PCDH15: variants seen among roughly 807,000 people sequenced by gnomAD.
PCDH15 encodes protocadherin-15.
PCDH15 carries 129 observed loss-of-function variants against 178.5 expected under a neutral mutation model. The ratio of observed to expected loss-of-function variants is 0.72; its 90% CI spans 0.63 to 0.84. PCDH15 has a LOEUF of 0.84. Among genes scored for constraint, PCDH15 ranks in the 40% least tolerant of loss-of-function variants. The pLI is 0.00. For synonymous variants in PCDH15, 800 were observed against 732.0 expected (o/e 1.09, Z -1.50); for missense variants, 2,230 against 2,099.9 (o/e 1.06, Z -1.21).
At chr10:54,284,829 T>A (rs1458236789) in intron 8 of PCDH15, among the ~76,000 whole-genome samples, 1 of 152,108 alleles carries the variant, frequency 6.6e-6, no homozygotes, top group Non-Finnish European at 1.5e-5. Context: ...GAGTAAAAAA[T>A]TAATCAGGAG....
chr10:55,543,596 A>G (rs918591147), intron 2 of PCDH15, among the ~76,000 whole-genome samples: 7 of 151,308 alleles, frequency 4.6e-5, no homozygotes, highest in African/African-American at 1.7e-4. Context: ...CAAATCACAT[A>G]CCTTATAAGG....
At position 55,085,242 on chromosome 10, in the gene PCDH15, G is replaced by A. The variant is rs535702758; in HGVS notation, c.-80+81334C>T. ...TGGGTACTGAAGGTCATTGTGTTAA[G>A]GAAATAAGCCAGGCACAGAAAGACA... On this transcript the variant is annotated intron_variant, in intron 2 of 5. Transcript: ENST00000458638. Among the ~76,000 whole-genome samples the A allele has an allele frequency of 1.8e-3, 266 of 151,944 alleles. 2 individuals carry two copies. The highest frequency in any genetic ancestry group is 3.3e-3 in the Non-Finnish European group (222 of 67,830).
rs117437828 is a variant in PCDH15, at chr10:54,948,878, C to T, written c.-79-51378G>A. Among the ~76,000 whole-genome samples, 1,180 of 151,974 alleles carry T rather than the reference C, an allele frequency of 7.8e-3. 7 individuals carry two copies. Among genetic ancestry groups the T allele is most frequent in the Middle Eastern group, 0.014 (4 of 294 alleles). ...TCTGGGATAATTTTTGGCTAAATAT[C>T]CAGGGACCCCTTGGCCCAATCAAGT... is the stretch of plus-strand genomic sequence containing the variant. On this transcript the variant is annotated intron_variant, in intron 2 of 5. Transcript: ENST00000458638.
At chr10:53,843,975 G>C (rs117064347) in intron 28 of PCDH15, among the ~76,000 whole-genome samples, 43 of 152,176 alleles carry the variant, frequency 2.8e-4, no homozygotes, top group Non-Finnish European at 5.2e-4. Context: ...ATCATGGATT[G>C]ATAAAATTGG....
intron 2 of PCDH15, among the ~76,000 whole-genome samples, chr10:55,448,352 TA>T (rs1463047762): frequency 6.6e-6 from 1 of 151,928 alleles, no homozygotes; most frequent in Non-Finnish European, 1.5e-5. Flanking sequence ...CTGTGAAAAA[TA>T]AATCAAGATT....
At chr10:54,508,915 C>T (rs10763113) in intron 3 of PCDH15, among the ~76,000 whole-genome samples, 12,926 of 151,890 alleles carry the variant, frequency 0.085, 920 homozygotes, top group East Asian at 0.34. Flanking sequence ...GAAAGGGGAC[C>T]CATGTCAAAA....
intron 8 of PCDH15, among the ~76,000 whole-genome samples, chr10:54,272,516 G>GA (rs1051571747): frequency 7.0e-4 from 45 of 64,156 alleles, no homozygotes; most frequent in African/African-American, 3.9e-3. Flanking sequence ...TGAGGAAGAG[G>GA]GGTACTTTTT....
intron 2 of PCDH15, among the ~76,000 whole-genome samples, chr10:55,381,956 T>TG (rs1043802964): frequency 6.6e-6 from 1 of 152,074 alleles, no homozygotes; most frequent in African/African-American, 2.4e-5. Flanking sequence ...CCTTGAAAAG[T>TG]AGAGGTGAGA....
At chr10:54,759,345 A>C (rs1947568083) in intron 1 of PCDH15, among the ~76,000 whole-genome samples, 1 of 152,216 alleles carries the variant, frequency 6.6e-6, no homozygotes. Context: ...AATAAAGCAA[A>C]AAACAATTTT....
intron 8 of PCDH15, among the ~76,000 whole-genome samples, chr10:54,285,334 A>T (rs758784357): frequency 3.3e-5 from 5 of 152,152 alleles, no homozygotes; most frequent in Non-Finnish European, 7.4e-5. Flanking sequence ...ATCAGATAAG[A>T]TATTAATATC....
At chr10:55,267,363 C>T (rs977633514) in intron 1 of PCDH15, among the ~76,000 whole-genome samples, 6 of 152,122 alleles carry the variant, frequency 3.9e-5, no homozygotes, top group Admixed American at 3.9e-4. Context: ...ATTGCAATTT[C>T]AGATAATTGT....
chr10:55,193,221 C>T (rs537889568), intron 1 of PCDH15, among the ~76,000 whole-genome samples: 1 of 151,536 alleles, frequency 6.6e-6, no homozygotes, highest in South Asian at 2.1e-4. Context: ...TGGAGATATT[C>T]AATATTCATT....
At chr10:55,499,275 A>C (rs115325356) in intron 2 of PCDH15, among the ~76,000 whole-genome samples, 1 of 151,820 alleles carries the variant, frequency 6.6e-6, no homozygotes. Context: ...GAAAACTAAT[A>C]CAATTTTCAT....
At chr10:55,353,806 A>AT (rs1218104519) in intron 2 of PCDH15, among the ~76,000 whole-genome samples, 1 of 152,076 alleles carries the variant, frequency 6.6e-6, no homozygotes, top group Non-Finnish European at 1.5e-5. Flanking sequence ...AATATCTACG[A>AT]TTGCAGGAGT....
chr10:55,478,401 G>A (rs61453956), intron 2 of PCDH15, among the ~76,000 whole-genome samples: 13,987 of 151,350 alleles, frequency 0.092, 799 homozygotes, highest in African/African-American at 0.16. Flanking sequence ...AATACTGATG[G>A]GTCAATCAAT....
intron 8 of PCDH15, among the ~76,000 whole-genome samples, chr10:54,277,373 A>C (rs1341863298): frequency 6.6e-6 from 1 of 151,578 alleles, no homozygotes; most frequent in Non-Finnish European, 1.5e-5. Flanking sequence ...CATCTTCCGC[A>C]GTGACAGGAT....
intron 4 of PCDH15, among the ~76,000 whole-genome samples, chr10:54,375,236 G>A (rs1218012301): frequency 6.6e-6 from 1 of 152,058 alleles, no homozygotes; most frequent in Non-Finnish European, 1.5e-5. Flanking sequence ...AATGGCCACT[G>A]CATCAAAAGT....
intron 28 of PCDH15, among the ~76,000 whole-genome samples, chr10:53,845,130 A>G (rs867968886): frequency 2.4e-4 from 37 of 152,168 alleles, no homozygotes; most frequent in Middle Eastern, 6.8e-3. Flanking sequence ...GCTCGACATC[A>G]CTAATCATCA....
rs1946444519 is a variant in PCDH15, at chr10:54,752,507, A to T, written c.-29+48418T>A. ...AAAAAAAAAACAAAAAACAAAAAAC[A>T]AAAAACAAACAAACAAACAAACAAA... On this transcript the variant is annotated intron_variant, in intron 1 of 37. Transcript: ENST00000644397. Among the ~76,000 whole-genome samples the T allele has an allele frequency of 2.4e-5, 2 of 84,452 alleles. 1 individual carries two copies. Among genetic ancestry groups the T allele is most frequent in the Non-Finnish European group, 5.5e-5 (2 of 36,158 alleles). 55.4% of individuals were successfully genotyped at this position (84,452 alleles called of 152,430 possible).
Sources: gnomAD v4.1 joint callset for allele counts (sites outside exome capture counted in the v4.1 genomes callset) on GRCh38, gnomAD v4.1.1 for gene constraint, MANE v1.5 for transcripts, NCBI Gene and HGNC (gene_info 2026-07-23, HGNC 2026-07-21) for gene names.